The following CPEB3 variants were observed in gnomAD, a reference collection of about 807,000 sequenced individuals.
CPEB3 encodes the protein cytoplasmic polyadenylation element binding protein 3.
In CPEB3, 20 loss-of-function variants were observed where a neutral mutation model predicts 67.2. The observed-to-expected ratio is 0.30, with a 90% CI of 0.21 to 0.43. The LOEUF (loss-of-function observed/expected upper bound fraction) is 0.43, where lower values mean the gene tolerates loss of function less well. CPEB3 is among the 20% of genes least tolerant of loss of function. The pLI, the probability that CPEB3 is intolerant of heterozygous loss-of-function variation, is 1.00. For missense variants in CPEB3, 746 were observed against 968.6 expected (o/e 0.77, Z 3.05); for synonymous variants, 376 against 393.1 (o/e 0.96, Z 0.51).
intron 6 of CPEB3, among the ~76,000 whole-genome samples, chr10:92,140,842 AAAG>A (rs1316100250): frequency 3.2e-5 from 3 of 92,468 alleles, no homozygotes; most frequent in African/African-American, 1.2e-4. Context: ...ACACTTCTCA[AAAG>A]AAGACATTTA....
In CPEB3 at chr10:92,239,372, T is replaced by A. The variant is rs1322549565; in HGVS notation, c.979A>T (p.Asn327Tyr). 4 of 1,606,766 alleles carry A rather than the reference T, an allele frequency of 2.5e-6. No individual in the cohort carries two copies. Among genetic ancestry groups the A allele is most frequent in the Non-Finnish European group, 1.7e-6 (2 of 1,176,806 alleles). ...TGAAATGGCAACAGATTGTTACCAT[T>A]ATCGGTCCGGAAAGCGTTATCCTCC... Reference protein sequence around the residue: ...WMEDNAFRTDNGNNLLPFQDR... With the variant: ...WMEDNAFRTDYGNNLLPFQDR... The change falls in exon 2 of 10, where the codon AAT becomes TAT. Residue 327 changes from asparagine (N) to tyrosine (Y), a missense_variant. Transcript: ENST00000265997. The surrounding 1 kb of genome is among the most constrained non-coding windows in gnomAD (Gnocchi z 6.0).
intron 1 of CPEB3, among the ~76,000 whole-genome samples, chr10:92,284,428 A>G (rs1842442064): frequency 6.6e-6 from 1 of 152,126 alleles, no homozygotes; most frequent in African/African-American, 2.4e-5. Context: ...TGGCCTACAA[A>G]GCTCTTTGTT....
chr10:92,095,334 C>G (rs1843807364), intron 7 of CPEB3, among the ~76,000 whole-genome samples: 1 of 152,126 alleles, frequency 6.6e-6, no homozygotes, highest in South Asian at 2.1e-4. Context: ...GAGCTGTCAC[C>G]TCTGCAGAAT....
intron 7 of CPEB3, among the ~76,000 whole-genome samples, chr10:92,092,641 G>A (rs1843667386): frequency 6.6e-6 from 1 of 152,102 alleles, no homozygotes; most frequent in African/African-American, 2.4e-5. Context: ...TTAGCTGGGT[G>A]TAGTGGCTCA....
At chr10:92,071,734 CAA>C (rs777747362) in intron 9 of CPEB3, among the ~76,000 whole-genome samples, 7 of 123,200 alleles carry the variant, frequency 5.7e-5, no homozygotes, top group South Asian at 2.5e-4. Context: ...GACTCCATCT[CAA>C]AAAAAAAAAA....
At chr10:92,270,710 G>A (rs531835242) in intron 1 of CPEB3, among the ~76,000 whole-genome samples, 26 of 149,858 alleles carry the variant, frequency 1.7e-4, no homozygotes, top group African/African-American at 5.5e-4. Flanking sequence ...CTACAAGTGC[G>A]CACCACCATG....
At chr10:92,105,366 T>C (rs1844394442) in intron 7 of CPEB3, among the ~76,000 whole-genome samples, 2 of 152,244 alleles carry the variant, frequency 1.3e-5, no homozygotes, top group African/African-American at 4.8e-5. Context: ...TTTCTCTCTA[T>C]TCCCTTTCAC....
chr10:92,167,499 G>A (rs1358931901), intron 4 of CPEB3, among the ~76,000 whole-genome samples: 1 of 152,212 alleles, frequency 6.6e-6, no homozygotes, highest in Non-Finnish European at 1.5e-5. Flanking sequence ...AAGGCCCAAG[G>A]AGAGGGAGAG....
chr10:92,080,598 T>C (rs1843108980), intron 9 of CPEB3, among the ~76,000 whole-genome samples: 1 of 151,342 alleles, frequency 6.6e-6, no homozygotes. Flanking sequence ...CTTGCAATTT[T>C]CTTTTTTTTT....
rs151104954 is a variant in CPEB3, at chr10:92,143,081, G to C, written c.1401C>G (p.Leu467=). Residue 467 remains leucine (L), a synonymous_variant, in exon 6 of 10, where the codon CTC becomes CTG. Transcript: ENST00000265997. ...ITASFRRFGP[L]VVDWPHKAES... ...CAGCTTTGTGAGGCCAGTCTACTAC[G>C]AGAGGTCCAAACCTGCGAAAGCTGG... 20 of 1,613,550 alleles carry C rather than the reference G, an allele frequency of 1.2e-5. No individual in the cohort carries two copies. The South Asian group carries it at 1.9e-4, about 15-fold the overall frequency.
At chr10:92,264,764 C>A (rs1033152104) in intron 1 of CPEB3, among the ~76,000 whole-genome samples, 2 of 151,284 alleles carry the variant, frequency 1.3e-5, no homozygotes, top group Non-Finnish European at 2.9e-5. Context: ...AAAAACACAG[C>A]TGGATGGCCG....
chr10:92,063,150 G>T (rs1363562626), intron 9 of CPEB3, among the ~76,000 whole-genome samples: 2 of 152,204 alleles, frequency 1.3e-5, no homozygotes, highest in African/African-American at 4.8e-5. Context: ...TGATCTCAAT[G>T]CTTAATTGCT....
At chr10:92,093,358 C>A (rs567717029) in intron 7 of CPEB3, among the ~76,000 whole-genome samples, 1 of 152,112 alleles carries the variant, frequency 6.6e-6, no homozygotes, top group Non-Finnish European at 1.5e-5. Flanking sequence ...ATACTTAATG[C>A]GAAGAAACAT....
intron 3 of CPEB3, among the ~76,000 whole-genome samples, chr10:92,184,359 C>T (rs1848592772): frequency 6.6e-6 from 1 of 152,290 alleles, no homozygotes; most frequent in Non-Finnish European, 1.5e-5. Flanking sequence ...AATCCCAACA[C>T]TTTGGGAGGC....
chr10:92,271,680 G>A (rs1435791889), intron 1 of CPEB3, among the ~76,000 whole-genome samples: 2 of 152,166 alleles, frequency 1.3e-5, no homozygotes, highest in African/African-American at 2.4e-5. Flanking sequence ...AACCCACAGC[G>A]GCTATTTAAC....
At chr10:92,090,567 A>G (rs970647478) in intron 8 of CPEB3, among the ~76,000 whole-genome samples, 5 of 152,170 alleles carry the variant, frequency 3.3e-5, no homozygotes, top group Non-Finnish European at 7.3e-5. Context: ...CAAAAAAACT[A>G]ATTTGTGCTT....
At chr10:92,103,636 C>T (rs1844298369) in intron 7 of CPEB3, among the ~76,000 whole-genome samples, 1 of 152,244 alleles carries the variant, frequency 6.6e-6, no homozygotes. Context: ...ACTAACCACT[C>T]TTTTTTCTCC....
At chr10:92,101,733 C>T (rs1173794762) in intron 7 of CPEB3, among the ~76,000 whole-genome samples, 1 of 152,016 alleles carries the variant, frequency 6.6e-6, no homozygotes, top group African/African-American at 2.4e-5. Context: ...TTGGTGAAAC[C>T]CCCATCTCTA....
chr10:92,214,779 C>G (rs1047026666), intron 2 of CPEB3, among the ~76,000 whole-genome samples: 1 of 152,074 alleles, frequency 6.6e-6, no homozygotes, highest in African/African-American at 2.4e-5. Flanking sequence ...AGCCACTATG[C>G]CTGGCTCAAA....
Sources: allele counts gnomAD v4.1 joint callset (sites outside exome capture counted in the v4.1 genomes callset), GRCh38; gene constraint gnomAD v4.1.1; non-coding constraint Gnocchi (gnomAD v3.1); transcripts MANE v1.5; gene names NCBI Gene and HGNC (gene_info 2026-07-23, HGNC 2026-07-21).